The following MAD1L1 variants were observed in gnomAD, a reference collection of about 807,000 sequenced individuals.
MAD1L1 encodes mitotic spindle assembly checkpoint protein MAD1.
Under a neutral mutation model 96.9 loss-of-function variants are expected in MAD1L1, and 95 were observed. That is an observed-to-expected ratio of 0.98 (90% confidence interval 0.83 to 1.16). MAD1L1 has a LOEUF of 1.16. Among genes scored for constraint, MAD1L1 ranks in the 50% most tolerant of loss-of-function variants. MAD1L1 has a pLI of 0.00. For missense variants in MAD1L1, 1,007 were observed against 954.4 expected, an observed-to-expected ratio of 1.06 and a Z score of -0.73; for synonymous variants, 473 against 396.6, an observed-to-expected ratio of 1.19 and a Z score of -2.29.
chr7:1,955,530 A>G (rs1779687951), intron 16 of MAD1L1, among the ~76,000 whole-genome samples: 1 of 152,198 alleles, frequency 6.6e-6, no homozygotes, highest in Non-Finnish European at 1.5e-5. Context: ...ACCTCAGGCA[A>G]TCCACCCGCC....
At chr7:1,923,223 C>T (rs936861013) in intron 17 of MAD1L1, among the ~76,000 whole-genome samples, 8 of 152,228 alleles carry the variant, frequency 5.3e-5, no homozygotes, top group African/African-American at 1.9e-4. Flanking sequence ...CTATTTCATA[C>T]TGGGTGAGTT....
intron 2 of MAD1L1, 133 bp downstream of exon 2, chr7:2,230,416 C>T (rs1794135427): frequency 5.6e-6 from 2 of 356,280 alleles, no homozygotes; most frequent in African/African-American, 4.1e-5. Flanking sequence ...ACAGCTGGCG[C>T]CCGGGAGGCG....
At chr7:1,928,342 A>T (rs1184545203) in intron 17 of MAD1L1, among the ~76,000 whole-genome samples, 1 of 151,426 alleles carries the variant, frequency 6.6e-6, no homozygotes, top group Non-Finnish European at 1.5e-5. Flanking sequence ...GGAGCCCACG[A>T]CGGAACTCCT....
intron 11 of MAD1L1, among the ~76,000 whole-genome samples, chr7:2,130,383 C>T (rs1788454973): frequency 6.6e-6 from 1 of 152,222 alleles, no homozygotes. Context: ...CAGGAGTTCC[C>T]CAGGGGCACA....
intron 18 of MAD1L1, among the ~76,000 whole-genome samples, chr7:1,822,164 T>A (rs1442631529): frequency 2.0e-5 from 3 of 147,840 alleles, no homozygotes; most frequent in Non-Finnish European, 3.0e-5. Flanking sequence ...ACCACATTTC[T>A]ATAAAGCAAT....
At chr7:1,941,560 G>C (rs1778999604) in intron 16 of MAD1L1, among the ~76,000 whole-genome samples, 1 of 152,120 alleles carries the variant, frequency 6.6e-6, no homozygotes, top group African/African-American at 2.4e-5. Flanking sequence ...CGAAGGCTTG[G>C]TGTGTGCAAA....
intron 11 of MAD1L1, among the ~76,000 whole-genome samples, chr7:2,108,756 A>G (rs1013760282): frequency 2.6e-5 from 4 of 152,176 alleles, no homozygotes; most frequent in African/African-American, 7.2e-5. Context: ...GGAGAAACAA[A>G]GGCAGCAGCC....
chr7:2,095,526 C>T (rs1235226176), intron 11 of MAD1L1, among the ~76,000 whole-genome samples: 3 of 152,188 alleles, frequency 2.0e-5, no homozygotes, highest in Non-Finnish European at 2.9e-5. Flanking sequence ...GTGCTGAAGC[C>T]GCGGTCGCTG....
intron 16 of MAD1L1, 135 bp downstream of exon 16, chr7:1,957,494 A>G: frequency 1.2e-6 from 1 of 864,616 alleles, no homozygotes; most frequent in East Asian, 2.5e-5. Context: ...GGGGGTGCAC[A>G]TGGGAGGGAG....
chr7:2,131,396 G>A (rs897919385), intron 11 of MAD1L1, among the ~76,000 whole-genome samples: 1 of 152,192 alleles, frequency 6.6e-6, no homozygotes, highest in Non-Finnish European at 1.5e-5. Flanking sequence ...ATACGGAAAG[G>A]CAGTAAAATT....
At chr7:1,867,603 A>G (rs1784839379) in intron 18 of MAD1L1, among the ~76,000 whole-genome samples, 1 of 152,252 alleles carries the variant, frequency 6.6e-6, no homozygotes, top group African/African-American at 2.4e-5. Context: ...GCACTCTGCC[A>G]GATTCTACCG....
chr7:1,840,225 G>A (rs1783174914), intron 18 of MAD1L1, among the ~76,000 whole-genome samples: 3 of 152,216 alleles, frequency 2.0e-5, no homozygotes, highest in South Asian at 4.1e-4. Flanking sequence ...GAGCCGGTGA[G>A]CGTGAGCAAG....
At chr7:1,920,486 G>A (rs1788715741) in intron 17 of MAD1L1, among the ~76,000 whole-genome samples, 1 of 152,224 alleles carries the variant, frequency 6.6e-6, no homozygotes, top group South Asian at 2.1e-4. Context: ...AAGACCCGCT[G>A]CACGCTCTCA....
intron 15 of MAD1L1, among the ~76,000 whole-genome samples, chr7:1,970,155 G>C (rs913023923): frequency 2.0e-5 from 3 of 152,288 alleles, no homozygotes; most frequent in South Asian, 2.1e-4. Flanking sequence ...GCAGAGTTGA[G>C]CAGACATGTG....
chr7:1,975,573 G>A (rs564178119), intron 15 of MAD1L1, among the ~76,000 whole-genome samples: 2 of 152,338 alleles, frequency 1.3e-5, no homozygotes, highest in East Asian at 3.9e-4. Flanking sequence ...AGTTTCATGA[G>A]GGGACTTAGA....
At chr7:1,962,662 A>G (rs1264247727) in intron 15 of MAD1L1, among the ~76,000 whole-genome samples, 1 of 152,252 alleles carries the variant, frequency 6.6e-6, no homozygotes, top group African/African-American at 2.4e-5. Context: ...TTTACCAAAG[A>G]AGATCTACAG....
chr7:2,085,745 T>A (rs996393507), intron 11 of MAD1L1, among the ~76,000 whole-genome samples: 10 of 152,188 alleles, frequency 6.6e-5, no homozygotes, highest in African/African-American at 2.4e-4. Context: ...GTTGGCCCCA[T>A]CTCTTGGCTA....
chr7:1,884,219 G>A lies in MAD1L1; in HGVS notation c.1998+13981C>T, dbSNP rs551814059. ...GTTTGGTGGCACAGCCCTGCTCGCA[G>A]CTGCCCTGGCTGAAGAGACGTGGCC... On this transcript the variant is annotated intron_variant, in intron 18 of 18. Transcript: ENST00000265854. Among the ~76,000 whole-genome samples, 49 of 152,356 alleles carry A rather than the reference G, an allele frequency of 3.2e-4. No homozygotes were observed. In the South Asian group the frequency reaches 8.5e-3, roughly 26 times the overall value.
chr7:1,933,127 C>G (rs1035903476), intron 17 of MAD1L1, among the ~76,000 whole-genome samples: 2 of 152,184 alleles, frequency 1.3e-5, no homozygotes, highest in African/African-American at 4.8e-5. Context: ...CTCTGCGTTT[C>G]GCTGTGCTCT....
Sources: allele counts gnomAD v4.1 joint callset (sites outside exome capture counted in the v4.1 genomes callset), GRCh38; gene constraint gnomAD v4.1.1; transcripts MANE v1.5; gene names NCBI Gene and HGNC (gene_info 2026-07-23, HGNC 2026-07-21).